ADAMTS3: variants seen among roughly 807,000 people sequenced by gnomAD.
ADAMTS3 encodes the protein ADAM metallopeptidase with thrombospondin type 1 motif 3.
In ADAMTS3, 73 loss-of-function variants were observed where a neutral mutation model predicts 129.0. The ratio of observed to expected loss-of-function variants is 0.57; its 90% CI spans 0.47 to 0.69. ADAMTS3 has a LOEUF of 0.69. Among genes scored for constraint, ADAMTS3 ranks in the 30% least tolerant of loss-of-function variants. The pLI, the probability that ADAMTS3 is intolerant of heterozygous loss-of-function variation, is 0.00. For synonymous variants in ADAMTS3, 477 were observed against 510.8 expected, an observed-to-expected ratio of 0.93 and a Z score of 0.89; for missense variants, 1,457 against 1,514.5, an observed-to-expected ratio of 0.96 and a Z score of 0.63.
intron 3 of ADAMTS3, among the ~76,000 whole-genome samples, chr4:72,438,095 C>T (rs978747442): frequency 6.6e-6 from 1 of 151,652 alleles, no homozygotes; most frequent in Non-Finnish European, 1.5e-5. Context: ...CATCTTTACT[C>T]TGTGTGTGCA....
intron 4 of ADAMTS3, among the ~76,000 whole-genome samples, chr4:72,400,205 C>CATAGATAT (rs1224791662): frequency 4.2e-4 from 53 of 125,274 alleles, no homozygotes; most frequent in Non-Finnish European, 5.7e-4. Context: ...TGTATATATG[C>CATAGATAT]ACACATGGTG....
intron 3 of ADAMTS3, among the ~76,000 whole-genome samples, chr4:72,504,052 T>G (rs1720091574): frequency 6.6e-6 from 1 of 152,186 alleles, no homozygotes; most frequent in Non-Finnish European, 1.5e-5. Flanking sequence ...TTTATCCAAG[T>G]TGCCACTCTG....
chr4:72,385,434 G>A (rs959318983), intron 4 of ADAMTS3, among the ~76,000 whole-genome samples: 5 of 151,964 alleles, frequency 3.3e-5, no homozygotes, highest in African/African-American at 1.2e-4. Flanking sequence ...CAGGTACGAA[G>A]AGCAGGTAGG....
intron 3 of ADAMTS3, among the ~76,000 whole-genome samples, chr4:72,476,965 G>C (rs1378511602): frequency 6.6e-6 from 1 of 152,036 alleles, no homozygotes; most frequent in Non-Finnish European, 1.5e-5. Context: ...AAAATCATTT[G>C]ACAGAATTCA....
intron 10 of ADAMTS3, among the ~76,000 whole-genome samples, chr4:72,318,261 T>G (rs1719453107): frequency 6.6e-6 from 1 of 152,190 alleles, no homozygotes; most frequent in African/African-American, 2.4e-5. Flanking sequence ...GATTTGAGCC[T>G]GGCAGCCTTG....
At chr4:72,310,699 T>C (rs1719208790) in intron 14 of ADAMTS3, among the ~76,000 whole-genome samples, 2 of 152,140 alleles carry the variant, frequency 1.3e-5, no homozygotes, top group African/African-American at 4.8e-5. Flanking sequence ...TTAGCACTGA[T>C]TATTTTTAAA....
chr4:72,463,645 A>ATT (rs1007897809), intron 3 of ADAMTS3, among the ~76,000 whole-genome samples: 58 of 145,802 alleles, frequency 4.0e-4, no homozygotes, highest in African/African-American at 1.4e-3. Context: ...TTTAGTTGAC[A>ATT]TTTTTTTACT....
At chr4:72,515,304 A>G (rs1366480435) in intron 3 of ADAMTS3, among the ~76,000 whole-genome samples, 1 of 151,246 alleles carries the variant, frequency 6.6e-6, no homozygotes, top group Non-Finnish European at 1.5e-5. Context: ...ATACATGTGC[A>G]TGTGTCTTTA....
chr4:72,463,984 A>C (rs377048398), intron 3 of ADAMTS3, among the ~76,000 whole-genome samples: 1 of 151,924 alleles, frequency 6.6e-6, no homozygotes, highest in South Asian at 2.1e-4. Flanking sequence ...CCATCTCTGG[A>C]GACAGCCCTC....
At chr4:72,490,277 T>A (rs928545637) in intron 3 of ADAMTS3, among the ~76,000 whole-genome samples, 2 of 152,074 alleles carry the variant, frequency 1.3e-5, no homozygotes, top group African/African-American at 4.8e-5. Context: ...ATATATTGTC[T>A]GCAAATATTT....
chr4:72,484,861 C>T (rs1460041868), intron 3 of ADAMTS3, among the ~76,000 whole-genome samples: 2 of 152,086 alleles, frequency 1.3e-5, no homozygotes, highest in African/African-American at 2.4e-5. Flanking sequence ...AAGTATAAGA[C>T]CCCCAAAATG....
intron 3 of ADAMTS3, among the ~76,000 whole-genome samples, chr4:72,469,687 G>A (rs571040657): frequency 4.7e-4 from 71 of 152,072 alleles, no homozygotes; most frequent in African/African-American, 1.5e-3. Context: ...TGCCAACCCT[G>A]TGACAGCAAG....
intron 3 of ADAMTS3, among the ~76,000 whole-genome samples, chr4:72,437,261 T>C (rs1717967035): frequency 6.6e-6 from 1 of 151,836 alleles, no homozygotes; most frequent in African/African-American, 2.4e-5. Flanking sequence ...ATTTAGGAAG[T>C]ACAAATGCAG....
At chr4:72,301,154 T>G (rs1718940743) in intron 17 of ADAMTS3, among the ~76,000 whole-genome samples, 1 of 152,122 alleles carries the variant, frequency 6.6e-6, no homozygotes, top group African/African-American at 2.4e-5. Context: ...TACATATACC[T>G]AAATGTAAAA....
At chr4:72,413,657 G>C (rs1233737540) in intron 4 of ADAMTS3, among the ~76,000 whole-genome samples, 2 of 151,860 alleles carry the variant, frequency 1.3e-5, no homozygotes, top group East Asian at 3.9e-4. Context: ...TATTACAACT[G>C]TGCAATATAT....
chr4:72,303,121 C>T (rs1455049336), intron 17 of ADAMTS3, among the ~76,000 whole-genome samples: 1 of 152,100 alleles, frequency 6.6e-6, no homozygotes. Context: ...CAGCTGCCTC[C>T]CTTGGAGCCC....
rs186382814 is a variant in ADAMTS3 at position 72,323,239 on chromosome 4, T to C, written c.862-142A>G. ...AGTTTAATAGCTGAACTCTGAAAGG[T>C]AGTCATTTACTTTTAGCTTTGGTAC... On this transcript the variant is annotated intron_variant, in intron 5 of 21. Transcript: ENST00000286657. 2.8e-4 allele frequency: 184 copies of C among 666,902 alleles called. 1 individual carries two copies. In the African/African-American group the frequency reaches 3.1e-3, roughly 11 times the overall value. The allele number at this position is 666,902 out of a possible 1,614,324, so 41.3% of individuals were successfully genotyped here.
intron 3 of ADAMTS3, among the ~76,000 whole-genome samples, chr4:72,441,460 T>C (rs1718114536): frequency 6.6e-6 from 1 of 151,708 alleles, no homozygotes; most frequent in Non-Finnish European, 1.5e-5. Context: ...ATATTTTTTA[T>C]AATATTTCAA....
intron 4 of ADAMTS3, among the ~76,000 whole-genome samples, chr4:72,343,001 T>G (rs538200673): frequency 6.6e-6 from 1 of 152,296 alleles, no homozygotes; most frequent in East Asian, 1.9e-4. Context: ...CTCTCTCTCC[T>G]GTGAGAGAGA....
Sources: allele counts gnomAD v4.1 joint callset (sites outside exome capture counted in the v4.1 genomes callset), GRCh38; gene constraint gnomAD v4.1.1; transcripts MANE v1.5; gene names NCBI Gene and HGNC (gene_info 2026-07-23, HGNC 2026-07-21).